Variants in GABRA5 observed in about 807,000 individuals in gnomAD.
GABRA5 encodes the protein gamma-aminobutyric acid type A receptor subunit alpha5, also known as gamma-aminobutyric acid receptor subunit alpha-5.
Under a neutral mutation model 47.3 loss-of-function variants are expected in GABRA5, and 18 were observed. The observed-to-expected ratio is 0.38, with a 90% confidence interval of 0.26 to 0.56. The LOEUF (loss-of-function observed/expected upper bound fraction) is 0.56. Ranked by LOEUF, GABRA5 falls within the 20% of genes least tolerant of loss-of-function variation. The pLI, the probability that GABRA5 is intolerant of heterozygous loss-of-function variation, is 0.71. For synonymous variants in GABRA5, 237 were observed against 229.3 expected (o/e 1.03, Z -0.30); for missense variants, 365 against 599.3 (o/e 0.61, Z 4.08).
At chr15:26,882,993 C>G (rs1384215323) in intron 4 of GABRA5, among the ~76,000 whole-genome samples, 173 bp from the exon 5 acceptor site, 1 of 152,180 alleles carries the variant, frequency 6.6e-6, no homozygotes, top group African/African-American at 2.4e-5. Flanking sequence ...CATGGTATAG[C>G]GGGGAGCAGC....
intron 6 of GABRA5, among the ~76,000 whole-genome samples, chr15:26,892,858 G>T (rs1274403155): frequency 6.6e-6 from 1 of 152,002 alleles, no homozygotes; most frequent in Non-Finnish European, 1.5e-5. Context: ...CGGGGAGGAT[G>T]GAGCAGTGTG....
chr15:26,868,313 G>A (rs1259928841), intron 1 of GABRA5, among the ~76,000 whole-genome samples: 2 of 152,090 alleles, frequency 1.3e-5, no homozygotes, highest in African/African-American at 4.8e-5. Flanking sequence ...GGCAGGAGTC[G>A]CAGAAGGCCT....
At chr15:26,925,350 A>G (rs991399621) in intron 7 of GABRA5, among the ~76,000 whole-genome samples, 8 of 152,070 alleles carry the variant, frequency 5.3e-5, no homozygotes, top group African/African-American at 1.9e-4. Flanking sequence ...TTTATATTGG[A>G]TAATTTATAT....
intron 7 of GABRA5, among the ~76,000 whole-genome samples, chr15:26,930,952 G>A (rs1426005536): frequency 7.5e-6 from 1 of 134,158 alleles, no homozygotes; most frequent in East Asian, 2.2e-4. Flanking sequence ...CTGGAGTGCA[G>A]TAGCACATTC....
intron 6 of GABRA5, among the ~76,000 whole-genome samples, chr15:26,907,168 G>A (rs1035425295): frequency 2.6e-5 from 4 of 152,088 alleles, no homozygotes; most frequent in African/African-American, 4.8e-5. Flanking sequence ...AAAGTAAGCC[G>A]TATAATTTGG....
intron 6 of GABRA5, among the ~76,000 whole-genome samples, chr15:26,912,080 G>T (rs1056553266): frequency 6.6e-6 from 1 of 152,110 alleles, no homozygotes; most frequent in African/African-American, 2.4e-5. Flanking sequence ...GACTGCTCCC[G>T]TGTGAGCCCC....
intron 6 of GABRA5, among the ~76,000 whole-genome samples, chr15:26,896,088 C>T (rs1446901107): frequency 6.6e-6 from 1 of 152,244 alleles, no homozygotes; most frequent in East Asian, 1.9e-4. Flanking sequence ...GCTGGGCAAC[C>T]GCTGACCGCT....
intron 6 of GABRA5, among the ~76,000 whole-genome samples, chr15:26,887,702 G>T (rs569171403): frequency 1.2e-3 from 186 of 152,184 alleles, no homozygotes; most frequent in African/African-American, 4.3e-3. Context: ...GTTTGCAGGA[G>T]TTCACTTACC....
chr15:26,941,550 C>A (rs1212393759), intron 9 of GABRA5, among the ~76,000 whole-genome samples: 1 of 152,086 alleles, frequency 6.6e-6, no homozygotes, highest in African/African-American at 2.4e-5. Context: ...TGAATGAAGC[C>A]CCAGCCATAC....
At chr15:26,877,964 G>T (rs1209998867) in intron 3 of GABRA5, among the ~76,000 whole-genome samples, 1 of 152,166 alleles carries the variant, frequency 6.6e-6, no homozygotes, top group African/African-American at 2.4e-5. Flanking sequence ...AAGCACTCGT[G>T]GACTCTGGTC....
intron 6 of GABRA5, among the ~76,000 whole-genome samples, chr15:26,899,483 T>C (rs1893275303): frequency 6.6e-6 from 1 of 152,212 alleles, no homozygotes; most frequent in Admixed American, 6.5e-5. Flanking sequence ...CAAAGTCTTG[T>C]CAATGTTCTC....
intron 2 of GABRA5, 132 bp downstream of exon 2, chr15:26,868,925 G>T: frequency 4.0e-6 from 1 of 251,854 alleles, no homozygotes; most frequent in Non-Finnish European, 7.8e-6. Context: ...GTATTTGAGT[G>T]GAAAACAACG....
At chr15:26,886,212 G>A (rs1455196724) in intron 6 of GABRA5, among the ~76,000 whole-genome samples, 2 of 151,982 alleles carry the variant, frequency 1.3e-5, no homozygotes, top group African/African-American at 4.8e-5. Flanking sequence ...TAGGGAGGGG[G>A]TTTCACTACA....
chr15:26,875,109 G>A (rs1291045749), intron 3 of GABRA5, among the ~76,000 whole-genome samples: 1 of 152,220 alleles, frequency 6.6e-6, no homozygotes, highest in Admixed American at 6.5e-5. Context: ...AGGATCAATT[G>A]CCAACCTATG....
intron 7 of GABRA5, among the ~76,000 whole-genome samples, chr15:26,923,510 A>C (rs1464647114): frequency 9.3e-6 from 1 of 107,386 alleles, no homozygotes; most frequent in Non-Finnish European, 1.9e-5. Flanking sequence ...TACCTTAAAG[A>C]CTTTTTTTTT....
intron 7 of GABRA5, among the ~76,000 whole-genome samples, chr15:26,921,260 T>G (rs2097025898): frequency 6.6e-6 from 1 of 152,148 alleles, no homozygotes. Flanking sequence ...TGAAGGTAAC[T>G]GTTTAGGGAG....
chr15:26,876,526 A>T (rs1323629053), intron 3 of GABRA5, among the ~76,000 whole-genome samples: 1 of 152,186 alleles, frequency 6.6e-6, no homozygotes, highest in Non-Finnish European at 1.5e-5. Flanking sequence ...CCCACAGGTC[A>T]ACTAAGCTGA....
rs927283836 is a variant in GABRA5 at position 26,867,598 on chromosome 15, G to C, written c.-140+487G>C. On this transcript the variant is annotated intron_variant, in intron 1 of 10. Transcript: ENST00000335625. The surrounding 1 kb of genome is among the most constrained non-coding windows in gnomAD (Gnocchi z 5.9). ...CGACTGCGGGGCTGAAGCCGGGCGC[G>C]GGAGAGAGCGGGGTCCGGGCGGCTC... Among the ~76,000 whole-genome samples the C allele has an allele frequency of 1.3e-5, 2 of 152,016 alleles. No individual in the cohort carries two copies. Among genetic ancestry groups the C allele is most frequent in the Admixed American group, 1.3e-4 (2 of 15,276 alleles).
chr15:26,925,550 C>T (rs947012444), intron 7 of GABRA5, among the ~76,000 whole-genome samples: 17 of 152,120 alleles, frequency 1.1e-4, no homozygotes, highest in Non-Finnish European at 1.9e-4. Context: ...TATTATAAAG[C>T]ATTACATATT....
Sources: gnomAD v4.1 joint callset for allele counts (sites outside exome capture counted in the v4.1 genomes callset) on GRCh38, gnomAD v4.1.1 for gene constraint, Gnocchi (gnomAD v3.1) non-coding constraint, MANE v1.5 for transcripts, NCBI Gene and HGNC (gene_info 2026-07-23, HGNC 2026-07-21) for gene names.